The following JAM2 variants were observed in gnomAD, a reference collection of about 807,000 sequenced individuals.
The protein encoded by JAM2 is junctional adhesion molecule 2.
JAM2 carries 17 observed loss-of-function variants against 42.0 expected under a neutral mutation model. That is an observed-to-expected ratio of 0.40 (90% CI 0.28 to 0.61). JAM2 has a LOEUF of 0.61. Among genes scored for constraint, JAM2 ranks in the 20% least tolerant of loss-of-function variants. JAM2 has a pLI of 0.37. For missense variants in JAM2, 319 were observed against 358.3 expected, an observed-to-expected ratio of 0.89 and a Z score of 0.89; for synonymous variants, 118 against 128.6, an observed-to-expected ratio of 0.92 and a Z score of 0.56.
chr21:25,712,330 C>T lies in JAM2; in HGVS notation c.822-10C>T, dbSNP rs763447651. The T allele has an allele frequency of 3.8e-6, 6 of 1,572,616 alleles. No individual in the cohort carries two copies. In the African/African-American group the frequency reaches 5.4e-5, roughly 14 times the overall value. ...TGTAGTAAATATTGTCTTTTATATT[C>T]CACAAACAGGAAGAGTAATTCTTCA... On this transcript the variant is annotated splice_polypyrimidine_tract_variant and intron_variant, in intron 8 of 9. Coordinates refer to ENST00000480456, the MANE Select transcript of JAM2 (RefSeq NM_021219.4).
intron 1 of JAM2, among the ~76,000 whole-genome samples, chr21:25,673,138 A>G (rs2033399811): frequency 6.6e-6 from 1 of 152,230 alleles, no homozygotes; most frequent in Non-Finnish European, 1.5e-5. Flanking sequence ...GCCTGGTGAG[A>G]CATTCAGCCA....
At chr21:25,662,857 ATG>A in intron 1 of JAM2, among the ~76,000 whole-genome samples, 1 of 152,212 alleles carries the variant, frequency 6.6e-6, no homozygotes, top group Non-Finnish European at 1.5e-5. Context: ...GTTAAGTATG[ATG>A]TAGACACAAT....
intron 1 of JAM2, among the ~76,000 whole-genome samples, chr21:25,681,527 C>T (rs895739833): frequency 1.3e-5 from 2 of 152,194 alleles, no homozygotes; most frequent in African/African-American, 4.8e-5. Flanking sequence ...CCACCAGGTT[C>T]CTCCCACAAC....
rs1430091063 is a variant in JAM2 at position 25,717,533 on chromosome 21, G to GTTCGATTA, written c.*2862_*2869dup. The GTTCGATTA allele has an allele frequency of 2.5e-6, 3 of 1,221,616 alleles. No individual in the cohort carries two copies. Among genetic ancestry groups the GTTCGATTA allele is most frequent in the Non-Finnish European group, 3.2e-6 (3 of 933,928 alleles). 75.7% of individuals were successfully genotyped at this position (1,221,616 alleles called of 1,614,324 possible). On this transcript the variant is annotated 3_prime_UTR_variant, in exon 10 of 10. Coordinates refer to ENST00000480456, the MANE Select transcript of JAM2 (RefSeq NM_021219.4). ...ACTTCCTTTTTCCACAGGTGGCTTT[G>GTTCGATTA]TTCGATTAAAGTCTACACTAATAAA...
chr21:25,691,257 T>A (rs796274745), intron 3 of JAM2, among the ~76,000 whole-genome samples: 9 of 152,400 alleles, frequency 5.9e-5, no homozygotes, highest in African/African-American at 2.2e-4. Context: ...AAGATAAGAC[T>A]ACTAGCTGTA....
chr21:25,664,607 G>A (rs899108410), intron 1 of JAM2, among the ~76,000 whole-genome samples: 5 of 152,180 alleles, frequency 3.3e-5, no homozygotes, highest in Non-Finnish European at 1.5e-5. Flanking sequence ...CTCCCTCTTT[G>A]AAAGTCTGCC....
At chr21:25,708,899 A>G (rs986982392) in intron 7 of JAM2, among the ~76,000 whole-genome samples, 14 of 152,190 alleles carry the variant, frequency 9.2e-5, no homozygotes, top group Non-Finnish European at 1.8e-4. Flanking sequence ...ATCCAAGAGA[A>G]GCATATTCTT....
At chr21:25,652,939 A>G (rs2032822726) in intron 1 of JAM2, among the ~76,000 whole-genome samples, 3 of 152,222 alleles carry the variant, frequency 2.0e-5, no homozygotes, top group South Asian at 2.1e-4. Context: ...TGGTGGCTCC[A>G]GATCAGCTGC....
intron 3 of JAM2, among the ~76,000 whole-genome samples, chr21:25,690,339 T>G (rs977586016): frequency 2.0e-5 from 3 of 151,792 alleles, no homozygotes; most frequent in Non-Finnish European, 4.4e-5. Context: ...TTCTTGCCTT[T>G]CTTTCTTTTT....
Position 25,716,833 on chromosome 21 carries a change from G to A in JAM2, c.*2161G>A, listed in dbSNP as rs1313083506. The A allele has an allele frequency of 6.6e-6, 1 of 152,194 alleles. No individual in the cohort carries two copies. The highest frequency in any genetic ancestry group is 2.4e-5 in the African/African-American group (1 of 41,442). 9.4% of individuals were successfully genotyped at this position (152,194 alleles called of 1,614,324 possible). A position where few individuals can be genotyped will look rare whatever the true frequency, so the allele number is the denominator to read the frequency against. On this transcript the variant is annotated 3_prime_UTR_variant, in exon 10 of 10. Coordinates refer to ENST00000480456, the MANE Select transcript of JAM2 (RefSeq NM_021219.4). ...GCTAAATGTTACCTATGTTTTGGTT[G>A]GAAGATTTCTTTGGTTTGAGGAATG...
chr21:25,696,114 A>G (rs2034020612), intron 4 of JAM2, among the ~76,000 whole-genome samples: 1 of 152,208 alleles, frequency 6.6e-6, no homozygotes, highest in Admixed American at 6.5e-5. Context: ...CACTGAGTGA[A>G]CGAGACTCCG....
intron 4 of JAM2, among the ~76,000 whole-genome samples, chr21:25,695,410 T>C (rs950734015): frequency 4.6e-5 from 7 of 152,222 alleles, no homozygotes; most frequent in African/African-American, 1.7e-4. Flanking sequence ...CTGATTTCTC[T>C]ATCTTTTCCC....
At chr21:25,658,774 T>A (rs1390333774) in intron 1 of JAM2, among the ~76,000 whole-genome samples, 1 of 152,214 alleles carries the variant, frequency 6.6e-6, no homozygotes, top group Non-Finnish European at 1.5e-5. Context: ...AGAGGAATTA[T>A]TTTACTTAAT....
At chr21:25,684,691 A>G (rs1174691544) in intron 2 of JAM2, among the ~76,000 whole-genome samples, 2 of 151,666 alleles carry the variant, frequency 1.3e-5, no homozygotes, top group African/African-American at 2.4e-5. Context: ...CGCAACCTCT[A>G]CCTCCGGGGT....
At chr21:25,661,848 C>G (rs2033097270) in intron 1 of JAM2, among the ~76,000 whole-genome samples, 1 of 152,086 alleles carries the variant, frequency 6.6e-6, no homozygotes, top group Admixed American at 6.5e-5. Context: ...TTTAGGGAAA[C>G]AGTTTTTCCC....
intron 1 of JAM2, among the ~76,000 whole-genome samples, chr21:25,676,424 A>G (rs2033498951): frequency 6.6e-6 from 1 of 152,166 alleles, no homozygotes; most frequent in Non-Finnish European, 1.5e-5. Flanking sequence ...GTCATAATAT[A>G]AAGTATATAT....
intron 4 of JAM2, 96 bp from the exon 5 acceptor site, chr21:25,698,581 C>A: frequency 1.9e-6 from 2 of 1,040,376 alleles, no homozygotes; most frequent in Admixed American, 2.2e-5. Context: ...GCTATTAAAA[C>A]CATTGATTGT....
chr21:25,697,236 C>T (rs2034058436), intron 4 of JAM2, among the ~76,000 whole-genome samples: 1 of 151,702 alleles, frequency 6.6e-6, no homozygotes, highest in Non-Finnish European at 1.5e-5. Flanking sequence ...TAGGTCAAAC[C>T]CATTCATGAA....
intron 2 of JAM2, among the ~76,000 whole-genome samples, chr21:25,687,921 G>T (rs1001241245): frequency 4.6e-5 from 7 of 152,116 alleles, no homozygotes; most frequent in Non-Finnish European, 8.8e-5. Flanking sequence ...CTCATCAACT[G>T]CTAACGTACT....
Sources: gnomAD v4.1 joint callset for allele counts (sites outside exome capture counted in the v4.1 genomes callset) on GRCh38, gnomAD v4.1.1 for gene constraint, MANE v1.5 for transcripts, NCBI Gene and HGNC (gene_info 2026-07-23, HGNC 2026-07-21) for gene names.